The following CSMD2 variants were observed in gnomAD, a reference collection of about 807,000 sequenced individuals.
The protein encoded by CSMD2 is CUB and sushi domain-containing protein 2.
Under a neutral mutation model 398.5 loss-of-function variants are expected in CSMD2, and 130 were observed. That is an observed-to-expected ratio of 0.33 (90% CI 0.28 to 0.38). The LOEUF (loss-of-function observed/expected upper bound fraction) is 0.38. Ranked by LOEUF, CSMD2 falls within the 10% of genes least tolerant of loss-of-function variation. The pLI is 1.00. For missense variants in CSMD2, 3,829 were observed against 4,764.9 expected, an observed-to-expected ratio of 0.80 and a Z score of 5.78; for synonymous variants, 1,828 against 1,908.5, an observed-to-expected ratio of 0.96 and a Z score of 1.10.
chr1:33,758,444 G>T (rs1267082873), intron 13 of CSMD2, among the ~76,000 whole-genome samples: 2 of 152,092 alleles, frequency 1.3e-5, no homozygotes, highest in African/African-American at 4.8e-5. Flanking sequence ...AGCTGTGTTG[G>T]CTTTGTTTAT....
Position 33,664,912 on chromosome 1 carries a change from A to C in CSMD2, c.4053-1820T>G, listed in dbSNP as rs145479813. Among the ~76,000 whole-genome samples, 929 of 152,294 alleles carry C rather than the reference A, an allele frequency of 6.1e-3. 8 individuals carry two copies. The highest frequency in any genetic ancestry group is 0.022 in the African/African-American group (897 of 41,596). On this transcript the variant is annotated intron_variant, in intron 25 of 70. Coordinates refer to ENST00000373381, the MANE Select transcript of CSMD2 (RefSeq NM_001281956.2). The stretch of plus-strand genomic sequence containing the variant: ...ATTGTTTCAATTTATATTCGCACTA[A>C]TCAGTATTGATGTTACTATTCTCTC...
chr1:34,158,646 G>T (rs1557449019), intron 1 of CSMD2, among the ~76,000 whole-genome samples: 1 of 152,200 alleles, frequency 6.6e-6, no homozygotes, highest in Admixed American at 6.5e-5. Context: ...AGAGGCTGGT[G>T]CTGAAAGCAA....
chr1:33,710,472 A>G (rs532975372), intron 21 of CSMD2, among the ~76,000 whole-genome samples: 37 of 152,358 alleles, frequency 2.4e-4, no homozygotes, highest in African/African-American at 8.9e-4. Flanking sequence ...AGTCCTAAAA[A>G]TAATAATTAG....
chr1:33,899,683 A>G (rs985244877), intron 5 of CSMD2, among the ~76,000 whole-genome samples: 2 of 152,184 alleles, frequency 1.3e-5, no homozygotes, highest in Non-Finnish European at 1.5e-5. Context: ...GTCTCTGTAC[A>G]CCAATCTGCA....
chr1:33,571,476 C>G, intron 51 of CSMD2, 56 bp downstream of exon 51: 1 of 1,324,620 alleles, frequency 7.5e-7, no homozygotes, highest in Non-Finnish European at 9.9e-7. Flanking sequence ...ATGCATGAGA[C>G]AGCTTAGGTA....
chr1:34,083,041 C>T (rs1031766086), intron 2 of CSMD2, among the ~76,000 whole-genome samples: 52 of 150,074 alleles, frequency 3.5e-4, no homozygotes, highest in African/African-American at 9.8e-4. Flanking sequence ...TCCCCCTCTC[C>T]GAGAAACACC....
intron 3 of CSMD2, among the ~76,000 whole-genome samples, chr1:34,030,712 AC>A (rs1650303663): frequency 6.6e-6 from 1 of 152,136 alleles, no homozygotes; most frequent in Non-Finnish European, 1.5e-5. Context: ...GGGCAGGGAC[AC>A]CTTTTTCCTC....
At chr1:33,891,196 T>A (rs1641987086) in intron 5 of CSMD2, among the ~76,000 whole-genome samples, 3 of 99,482 alleles carry the variant, frequency 3.0e-5, no homozygotes, top group African/African-American at 3.1e-5. Flanking sequence ...CTCAAACAAA[T>A]TTACAAGAAA....
At chr1:34,019,959 AG>A (rs1404928926) in intron 3 of CSMD2, among the ~76,000 whole-genome samples, 8 of 152,208 alleles carry the variant, frequency 5.3e-5, no homozygotes, top group Admixed American at 5.2e-4. Flanking sequence ...GACCTGTCCT[AG>A]GAGCTGAGGA....
intron 5 of CSMD2, among the ~76,000 whole-genome samples, chr1:33,888,756 TTTGTTGTTG>T (rs140395748): frequency 2.7e-5 from 4 of 148,822 alleles, no homozygotes; most frequent in African/African-American, 5.0e-5. Context: ...TCAACTGATT[TTTGTTGTTG>T]TTGTTGTTGT....
At chr1:33,677,063 C>G (rs548654904) in intron 25 of CSMD2, among the ~76,000 whole-genome samples, 7 of 152,204 alleles carry the variant, frequency 4.6e-5, no homozygotes, top group South Asian at 4.1e-4. Flanking sequence ...AGGACTTCAT[C>G]TCTAAAACAC....
chr1:33,951,875 T>C (rs2125371182), intron 3 of CSMD2, among the ~76,000 whole-genome samples: 1 of 152,356 alleles, frequency 6.6e-6, no homozygotes, highest in East Asian at 1.9e-4. Context: ...TTGTGCCCTT[T>C]CACGCCCCTT....
intron 10 of CSMD2, chr1:33,804,852 C>G (rs576830624): frequency 2.5e-5 from 18 of 717,370 alleles, no homozygotes; most frequent in South Asian, 2.1e-4. Flanking sequence ...AGTTTCCACA[C>G]TTAGACCCTC....
intron 5 of CSMD2, chr1:33,863,136 T>C (rs1341691360): frequency 6.6e-6 from 1 of 152,194 alleles, no homozygotes; most frequent in African/African-American, 2.4e-5. Flanking sequence ...TCTAGTCCTA[T>C]AAATTTGGGG....
At chr1:34,029,840 G>T (rs1190417045) in intron 3 of CSMD2, among the ~76,000 whole-genome samples, 1 of 152,236 alleles carries the variant, frequency 6.6e-6, no homozygotes, top group Non-Finnish European at 1.5e-5. Flanking sequence ...TAGTGCCAAT[G>T]ACTTAGACAC....
In CSMD2 at chr1:33,569,457, T is replaced by A; in HGVS notation, c.8048A>T (p.Asn2683Ile). Residue 2683 changes from asparagine to isoleucine, a missense_variant, in exon 52 of 71, where the codon AAT becomes ATT. This residue lies in a region of CSMD2 where 723 missense variants were observed against 758.6 expected (regional missense o/e 0.95). Coordinates refer to ENST00000373381, the MANE Select transcript of CSMD2 (RefSeq NM_001281956.2). ...GGAGCCCACCAGTGTGTATCCGGAA[T>A]TGCAGGAGAAGATGGCTGTTGCCCC... ...VYGATAIFSCNSGYTLVGSRV... is the reference protein window; with the variant it reads ...VYGATAIFSCISGYTLVGSRV... 6.2e-7 allele frequency: 1 copy of A among 1,614,110 alleles called. No homozygotes were observed. The highest frequency in any genetic ancestry group is 8.5e-7 in the Non-Finnish European group (1 of 1,180,028).
rs531202236 is a variant in CSMD2, at chr1:33,633,260, C to T, written c.5200+162G>A. Among the ~76,000 whole-genome samples the T allele has an allele frequency of 1.3e-5, 2 of 152,186 alleles. No homozygotes were observed. The highest frequency in any genetic ancestry group is 2.9e-5 in the Non-Finnish European group (2 of 68,034). On this transcript the variant is annotated intron_variant, in intron 32 of 70. Coordinates refer to ENST00000373381, the MANE Select transcript of CSMD2 (RefSeq NM_001281956.2). The surrounding 1 kb of genome is among the most constrained non-coding windows in gnomAD (Gnocchi z 5.0). ...AAGGCCCCGCTAGTTGGAGCTCTCACGAGCTGGCTGCTGCGTTGTAGACAA... is the reference window on the plus strand; with the variant it reads ...AAGGCCCCGCTAGTTGGAGCTCTCATGAGCTGGCTGCTGCGTTGTAGACAA...
chr1:34,023,738 A>T (rs1423158180), intron 3 of CSMD2, among the ~76,000 whole-genome samples: 2 of 152,112 alleles, frequency 1.3e-5, no homozygotes, highest in African/African-American at 2.4e-5. Flanking sequence ...AGACCTTGTC[A>T]TTCATGCTCA....
chr1:33,743,137 T>A, intron 14 of CSMD2, 143 bp downstream of exon 14: 1 of 660,050 alleles, frequency 1.5e-6, no homozygotes, highest in South Asian at 2.3e-5. Context: ...TGCTGGGAGC[T>A]CCATGACTGG....
Sources: allele counts gnomAD v4.1 joint callset (sites outside exome capture counted in the v4.1 genomes callset), GRCh38; gene constraint gnomAD v4.1.1; regional missense constraint gnomAD v4.1.1; non-coding constraint Gnocchi (gnomAD v3.1); transcripts MANE v1.5; gene names NCBI Gene and HGNC (gene_info 2026-07-23, HGNC 2026-07-21).